Variants in MAN1A1 observed in about 807,000 individuals in gnomAD.
MAN1A1 encodes mannosidase alpha class 1A member 1.
Under a neutral mutation model 70.8 loss-of-function variants are expected in MAN1A1, and 29 were observed. The observed-to-expected ratio is 0.41, with a 90% CI of 0.31 to 0.56. MAN1A1 has a LOEUF of 0.56. MAN1A1 is among the 20% of genes least tolerant of loss of function. MAN1A1 has a pLI of 0.29. For missense variants in MAN1A1, 747 were observed against 841.3 expected, an observed-to-expected ratio of 0.89 and a Z score of 1.39; for synonymous variants, 349 against 330.1, an observed-to-expected ratio of 1.06 and a Z score of -0.62.
At chr6:119,265,962 T>C (rs1775741323) in intron 5 of MAN1A1, among the ~76,000 whole-genome samples, 1 of 152,270 alleles carries the variant, frequency 6.6e-6, no homozygotes, top group East Asian at 1.9e-4. Context: ...TGTTTTCCTA[T>C]ATATCAGCAA....
intron 6 of MAN1A1, among the ~76,000 whole-genome samples, chr6:119,231,630 C>T (rs1214565333): frequency 2.0e-5 from 3 of 152,142 alleles, no homozygotes; most frequent in African/African-American, 4.8e-5. Flanking sequence ...GCAAAGGTCT[C>T]CTCATTCCCT....
intron 5 of MAN1A1, among the ~76,000 whole-genome samples, chr6:119,274,665 T>TA (rs145884030): frequency 0.041 from 6,286 of 152,300 alleles, 146 homozygotes; most frequent in African/African-American, 0.054. Context: ...ATGTATACCT[T>TA]AACTGTCACA....
intron 2 of MAN1A1, among the ~76,000 whole-genome samples, chr6:119,341,968 ATTAT>A (rs1773605774): frequency 6.6e-6 from 1 of 152,226 alleles, no homozygotes; most frequent in South Asian, 2.1e-4. Flanking sequence ...AAATAAAAAA[ATTAT>A]TTATTAGAAA....
At position 119,349,248 on chromosome 6, in the gene MAN1A1, G is replaced by C. The variant is rs1265173691; in HGVS notation, c.-183C>G. The stretch of plus-strand genomic sequence containing the variant: ...GGTCTTCTCCCCGGGGCGGCTCCTC[G>C]GGCACACAGGCACGCGCGACAGACC... On this transcript the variant is annotated 5_prime_UTR_variant, in exon 2 of 13. Coordinates refer to ENST00000368468, the MANE Select transcript of MAN1A1 (RefSeq NM_005907.4). 9.1e-6 allele frequency: 11 copies of C among 1,213,892 alleles called. No individual in the cohort carries two copies. The highest frequency in any genetic ancestry group is 1.1e-5 in the Non-Finnish European group (11 of 977,070). 75.2% of individuals were successfully genotyped at this position (1,213,892 alleles called of 1,614,324 possible). A position where few individuals can be genotyped will look rare whatever the true frequency, so the allele number is the denominator to read the frequency against.
intron 2 of MAN1A1, among the ~76,000 whole-genome samples, chr6:119,327,075 G>T (rs1773165301): frequency 6.6e-6 from 1 of 152,172 alleles, no homozygotes. Context: ...GGAGTTGGCA[G>T]GTATGATGAA....
chr6:119,268,444 T>C lies in MAN1A1; in HGVS notation c.898-20090A>G, dbSNP rs528912075. Among the ~76,000 whole-genome samples the C allele has an allele frequency of 1.9e-3, 291 of 152,150 alleles. 1 individual carries two copies. The highest frequency in any genetic ancestry group is 6.6e-3 in the African/African-American group (273 of 41,500). On this transcript the variant is annotated intron_variant, in intron 5 of 12. Coordinates refer to ENST00000368468, the MANE Select transcript of MAN1A1 (RefSeq NM_005907.4). Reference sequence around the variant, plus strand: ...ATACTGTCCCCAAGTGTTTTTTTTTTCCACATTATCACAGCTGCAGAGTAT... The same window carrying C: ...ATACTGTCCCCAAGTGTTTTTTTTTCCCACATTATCACAGCTGCAGAGTAT...
At chr6:119,226,366 TTG>T (rs1348287674) in intron 6 of MAN1A1, among the ~76,000 whole-genome samples, 2 of 152,176 alleles carry the variant, frequency 1.3e-5, no homozygotes, top group African/African-American at 4.8e-5. Flanking sequence ...TGACACTGGC[TTG>T]TGTTACAGCC....
intron 4 of MAN1A1, among the ~76,000 whole-genome samples, chr6:119,290,992 A>G (rs1776523843): frequency 6.6e-6 from 1 of 152,002 alleles, no homozygotes. Flanking sequence ...CAATCATTAT[A>G]TGACAATTTT....
chr6:119,252,707 A>G (rs1582737715), intron 5 of MAN1A1, among the ~76,000 whole-genome samples: 1 of 152,058 alleles, frequency 6.6e-6, no homozygotes, highest in Non-Finnish European at 1.5e-5. Context: ...CAGCAAAATC[A>G]CTTGAACCCG....
intron 2 of MAN1A1, among the ~76,000 whole-genome samples, chr6:119,342,739 C>T (rs1773629904): frequency 6.6e-6 from 1 of 152,140 alleles, no homozygotes; most frequent in Non-Finnish European, 1.5e-5. Flanking sequence ...TACATGTCTA[C>T]TTTTAAAACA....
intron 6 of MAN1A1, among the ~76,000 whole-genome samples, chr6:119,209,090 C>CAAAAAAAAA (rs34328766): frequency 1.1e-5 from 1 of 89,080 alleles, no homozygotes; most frequent in Non-Finnish European, 2.2e-5. Context: ...GACCCCGTCT[C>CAAAAAAAAA]AAAAAAAAAA....
chr6:119,321,519 C>T (rs1773004299), intron 2 of MAN1A1, among the ~76,000 whole-genome samples: 1 of 152,044 alleles, frequency 6.6e-6, no homozygotes, highest in Non-Finnish European at 1.5e-5. Context: ...GGTCCTGTCT[C>T]AGAAGGTCAC....
intron 2 of MAN1A1, among the ~76,000 whole-genome samples, chr6:119,340,830 T>C (rs1773576292): frequency 6.6e-6 from 1 of 152,142 alleles, no homozygotes; most frequent in East Asian, 1.9e-4. Context: ...AAAGTTAATA[T>C]AATATGTTCT....
chr6:119,249,127 T>A (rs1035263272), intron 5 of MAN1A1, among the ~76,000 whole-genome samples: 2 of 151,932 alleles, frequency 1.3e-5, no homozygotes, highest in Admixed American at 1.3e-4. Context: ...GATTGAAAAG[T>A]AAAGAGGGAA....
intron 6 of MAN1A1, among the ~76,000 whole-genome samples, chr6:119,208,410 T>G (rs1773945307): frequency 6.6e-6 from 1 of 152,220 alleles, no homozygotes; most frequent in Non-Finnish European, 1.5e-5. Flanking sequence ...CAACTATAAT[T>G]AGAAACATCT....
intron 4 of MAN1A1, among the ~76,000 whole-genome samples, chr6:119,293,914 A>T (rs1000443436): frequency 1.3e-5 from 2 of 152,084 alleles, no homozygotes; most frequent in Non-Finnish European, 2.9e-5. Context: ...TGGTTTTGTC[A>T]TACGTAGAAA....
At chr6:119,204,253 T>C (rs1323210855) in intron 7 of MAN1A1, among the ~76,000 whole-genome samples, 5 of 152,052 alleles carry the variant, frequency 3.3e-5, no homozygotes, top group South Asian at 4.1e-4. Context: ...ACTTGAAAAG[T>C]AGACAACAGG....
chr6:119,234,213 A>G (rs549475493), intron 6 of MAN1A1, among the ~76,000 whole-genome samples: 11 of 152,332 alleles, frequency 7.2e-5, no homozygotes, highest in African/African-American at 2.4e-4. Flanking sequence ...CTAAGAAAAG[A>G]TTACTTGGAA....
Position 119,178,438 on chromosome 6 carries a change from G to A in MAN1A1, c.*1381C>T, listed in dbSNP as rs1273761723. 1.3e-5 allele frequency: 2 copies of A among 151,974 alleles called. No individual in the cohort carries two copies. Among genetic ancestry groups the A allele is most frequent in the Admixed American group, 1.3e-4 (2 of 15,250 alleles). 9.4% of individuals were successfully genotyped at this position (151,974 alleles called of 1,614,324 possible). ...GTCCTTGCCCTTCAGTATATGCATC[G>A]TATTAGCCCTTTCATGGAAGTATAT... On this transcript the variant is annotated 3_prime_UTR_variant, in exon 13 of 13. Transcript: ENST00000368468.
Sources: allele counts gnomAD v4.1 joint callset (sites outside exome capture counted in the v4.1 genomes callset), GRCh38; gene constraint gnomAD v4.1.1; transcripts MANE v1.5; gene names NCBI Gene and HGNC (gene_info 2026-07-23, HGNC 2026-07-21).